The following DIS3L2 variants were observed in gnomAD, a reference collection of about 807,000 sequenced individuals.
DIS3L2 encodes DIS3-like exonuclease 2.
In DIS3L2, 34 loss-of-function variants were observed where a neutral mutation model predicts 97.5. The observed-to-expected ratio is 0.35, with a 90% CI of 0.27 to 0.46. DIS3L2 has a LOEUF of 0.46. Among genes scored for constraint, DIS3L2 ranks in the 20% least tolerant of loss-of-function variants. DIS3L2 has a pLI of 1.00. For synonymous variants in DIS3L2, 435 were observed against 445.2 expected, an observed-to-expected ratio of 0.98 and a Z score of 0.29; for missense variants, 1,038 against 1,146.0, an observed-to-expected ratio of 0.91 and a Z score of 1.36.
chr2:232,172,162 T>C (rs1051086415), intron 9 of DIS3L2, among the ~76,000 whole-genome samples: 1 of 152,202 alleles, frequency 6.6e-6, no homozygotes, highest in Admixed American at 6.5e-5. Flanking sequence ...ATTGAGATAT[T>C]CAAATACCAC....
intron 13 of DIS3L2, among the ~76,000 whole-genome samples, chr2:232,342,690 C>T (rs780611944): frequency 2.0e-5 from 3 of 152,230 alleles, no homozygotes; most frequent in African/African-American, 7.2e-5. Flanking sequence ...TAGAAGGCTG[C>T]GTATGGTCTT....
intron 9 of DIS3L2, among the ~76,000 whole-genome samples, chr2:232,176,817 A>G (rs1406804696): frequency 6.7e-6 from 1 of 149,636 alleles, no homozygotes; most frequent in Admixed American, 6.7e-5. Flanking sequence ...TTATTTTTTA[A>G]ATTATACTTT....
Position 232,281,479 on chromosome 2 carries a change from A to T in DIS3L2, c.1659+18039A>T, listed in dbSNP as rs1035747313. Among the ~76,000 whole-genome samples the T allele has an allele frequency of 1.3e-5, 2 of 152,200 alleles. No homozygotes were observed. Among genetic ancestry groups the T allele is most frequent in the Non-Finnish European group, 2.9e-5 (2 of 68,016 alleles). On this transcript the variant is annotated intron_variant, in intron 13 of 20. Transcript: ENST00000325385. The surrounding 1 kb of genome is among the most constrained non-coding windows in gnomAD (Gnocchi z 4.1). Reference sequence around the variant, plus strand: ...GCATTTTACATATAGGAGTTGTGGGATGGGACCTCTTTTTTAGAAAGATCT... The same window carrying T: ...GCATTTTACATATAGGAGTTGTGGGTTGGGACCTCTTTTTTAGAAAGATCT...
intron 1 of DIS3L2, chr2:231,978,867 T>C (rs1181173191): frequency 1.3e-5 from 2 of 152,272 alleles, no homozygotes; most frequent in Non-Finnish European, 2.9e-5. Context: ...GAATGTCTCC[T>C]TTACATACAA....
chr2:232,002,618 C>T (rs1227711863), intron 1 of DIS3L2, among the ~76,000 whole-genome samples: 2 of 152,178 alleles, frequency 1.3e-5, no homozygotes, highest in Admixed American at 6.5e-5. Flanking sequence ...CCATTTCCCC[C>T]ATTCTGGTTT....
At chr2:232,334,049 G>C in intron 17 of DIS3L2, 62 bp downstream of exon 17, 2 of 1,552,652 alleles carry the variant, frequency 1.3e-6, no homozygotes, top group Non-Finnish European at 8.7e-7. Flanking sequence ...CACCCCCACA[G>C]TGGGTGCTCA....
At chr2:232,048,388 C>T (rs16828587) in intron 5 of DIS3L2, among the ~76,000 whole-genome samples, 20,280 of 151,964 alleles carry the variant, frequency 0.13, 1,830 homozygotes, top group South Asian at 0.34. Flanking sequence ...TTATGAGTTA[C>T]TTCTGGAGCA....
At chr2:232,295,044 A>G (rs1694691370) in intron 13 of DIS3L2, among the ~76,000 whole-genome samples, 1 of 151,626 alleles carries the variant, frequency 6.6e-6, no homozygotes, top group Non-Finnish European at 1.5e-5. Context: ...CTTCCCTCAT[A>G]CCTTCCTGGC....
downstream of DIS3L2, among the ~76,000 whole-genome samples, chr2:232,340,151 G>A (rs1696073680): frequency 2.0e-5 from 3 of 152,200 alleles, no homozygotes; most frequent in African/African-American, 4.8e-5. Flanking sequence ...AGAAAGGGAG[G>A]ATTTTAAGGC....
At chr2:232,025,574 GT>G (rs1694633933) in intron 4 of DIS3L2, among the ~76,000 whole-genome samples, 1 of 152,102 alleles carries the variant, frequency 6.6e-6, no homozygotes, top group African/African-American at 2.4e-5. Context: ...AATGGCATAT[GT>G]CTTGACCCTG....
chr2:232,328,470 G>A (rs1004210383), intron 14 of DIS3L2: 1 of 152,186 alleles, frequency 6.6e-6, no homozygotes, highest in Non-Finnish European at 1.5e-5. Context: ...ACCCTGGGTG[G>A]AGGAGGGGCT....
intron 9 of DIS3L2, among the ~76,000 whole-genome samples, chr2:232,183,150 G>A (rs1278757354): frequency 6.6e-6 from 1 of 152,212 alleles, no homozygotes; most frequent in Non-Finnish European, 1.5e-5. Flanking sequence ...TCATGAGGAA[G>A]TGGGCCTTCA....
chr2:232,154,813 C>G (rs1690433882), intron 8 of DIS3L2, among the ~76,000 whole-genome samples: 1 of 130,836 alleles, frequency 7.6e-6, no homozygotes, highest in Admixed American at 8.0e-5. Flanking sequence ...TCGTTGCCGC[C>G]TTGCAGTTTG....
At chr2:232,334,245 G>T in intron 17 of DIS3L2, 124 bp from the exon 18 acceptor site, 2 of 1,319,094 alleles carry the variant, frequency 1.5e-6, no homozygotes, top group Non-Finnish European at 2.1e-6. Flanking sequence ...CTGCTGCCCT[G>T]GGAGCTGGGT....
intron 6 of DIS3L2, among the ~76,000 whole-genome samples, chr2:232,105,821 T>C (rs1014859334): frequency 2.4e-4 from 36 of 152,194 alleles, no homozygotes; most frequent in Admixed American, 2.0e-3. Flanking sequence ...TGTGTGCCTG[T>C]CCTTCTCCTT....
chr2:232,052,780 C>T (rs1461662617), intron 5 of DIS3L2, among the ~76,000 whole-genome samples: 1 of 152,124 alleles, frequency 6.6e-6, no homozygotes, highest in Non-Finnish European at 1.5e-5. Flanking sequence ...TTATTCAATG[C>T]TGCTGTTTTA....
chr2:232,309,622 G>A (rs888105412), intron 14 of DIS3L2, among the ~76,000 whole-genome samples: 7 of 152,002 alleles, frequency 4.6e-5, no homozygotes, highest in Admixed American at 2.0e-4. Context: ...AGGATTACAG[G>A]CCCGCACAAT....
At position 232,281,818 on chromosome 2, in the gene DIS3L2, A is replaced by G. The variant is rs1461590162; in HGVS notation, c.1660-18222A>G. On this transcript the variant is annotated intron_variant, in intron 13 of 20. Transcript: ENST00000325385. This position sits in a 1 kb window ranked among gnomAD's most constrained non-coding sequence, Gnocchi z 4.1. ...TTAAAGACGCTTGCCAGGTGGCTGG[A>G]CCGGAAGTCTGCTGCTCCTCTTCTA... 6.6e-6 allele frequency among the ~76,000 whole-genome samples: 1 copy of G among 152,158 alleles called. No individual in the cohort carries two copies. Among genetic ancestry groups the G allele is most frequent in the East Asian group, 1.9e-4 (1 of 5,190 alleles).
At chr2:232,163,206 T>C (rs1229588345) in intron 8 of DIS3L2, among the ~76,000 whole-genome samples, 1 of 152,186 alleles carries the variant, frequency 6.6e-6, no homozygotes, top group African/African-American at 2.4e-5. Context: ...GAAAGCCTTC[T>C]GGCTCTGTTT....
Sources: allele counts gnomAD v4.1 joint callset (sites outside exome capture counted in the v4.1 genomes callset), GRCh38; gene constraint gnomAD v4.1.1; non-coding constraint Gnocchi (gnomAD v3.1); transcripts MANE v1.5; gene names NCBI Gene and HGNC (gene_info 2026-07-23, HGNC 2026-07-21).